The following SUCLG2 variants were observed in gnomAD, a reference collection of about 807,000 sequenced individuals.
The protein encoded by SUCLG2 is succinate-CoA ligase GDP-forming subunit beta.
A neutral mutation model predicts 47.9 loss-of-function variants in SUCLG2; 42 were observed. The observed-to-expected ratio is 0.88, with a 90% CI of 0.69 to 1.14. SUCLG2 has a LOEUF of 1.14. Among genes scored for constraint, SUCLG2 ranks in the 50% most tolerant of loss-of-function variants. SUCLG2 has a pLI of 0.00. For synonymous variants in SUCLG2, 195 were observed against 197.3 expected (o/e 0.99, Z 0.10); for missense variants, 571 against 525.9 (o/e 1.09, Z -0.84).
chr3:67,420,475 G>A (rs1385335433), intron 9 of SUCLG2, among the ~76,000 whole-genome samples: 1 of 152,196 alleles, frequency 6.6e-6, no homozygotes, highest in Non-Finnish European at 1.5e-5. Context: ...AAAGTAGTAG[G>A]ATGAGTATTA....
intron 9 of SUCLG2, among the ~76,000 whole-genome samples, chr3:67,404,062 T>G (rs896844763): frequency 6.6e-6 from 1 of 152,102 alleles, no homozygotes; most frequent in Non-Finnish European, 1.5e-5. Context: ...GTTTTTGCAG[T>G]ATTAGTAGAG....
chr3:67,530,668 T>C (rs1706379537), intron 2 of SUCLG2, among the ~76,000 whole-genome samples: 1 of 152,226 alleles, frequency 6.6e-6, no homozygotes, highest in Admixed American at 6.5e-5. Flanking sequence ...TCTTGTCTCC[T>C]ATATTTGCTT....
Position 67,432,911 on chromosome 3 carries a change from C to T in SUCLG2, c.1063-32060G>A, listed in dbSNP as rs140760902. ...TAACACCACAGTCAGAATTTTAAAA[C>T]GAAGAGGAACTCCATACTCTTTTAT... On this transcript the variant is annotated intron_variant, in intron 9 of 10. Transcript: ENST00000307227. Among the ~76,000 whole-genome samples, 448 of 152,290 alleles carry T rather than the reference C, an allele frequency of 2.9e-3. 2 individuals carry two copies. The highest frequency in any genetic ancestry group is 5.4e-3 in the Non-Finnish European group (364 of 68,028).
intron 9 of SUCLG2, chr3:67,408,859 T>G (rs1702873175): frequency 1.4e-6 from 2 of 1,430,512 alleles, no homozygotes; most frequent in Admixed American, 5.9e-5. Flanking sequence ...ATTAAGGCGG[T>G]CTTACTGTAA....
At chr3:67,419,197 C>A (rs1356446627) in intron 9 of SUCLG2, among the ~76,000 whole-genome samples, 2 of 152,100 alleles carry the variant, frequency 1.3e-5, no homozygotes, top group African/African-American at 2.4e-5. Flanking sequence ...CTGTTGATGG[C>A]CTGTTGAGAG....
intron 1 of SUCLG2, among the ~76,000 whole-genome samples, chr3:67,631,543 T>A (rs1252267034): frequency 6.6e-6 from 1 of 151,988 alleles, no homozygotes; most frequent in Non-Finnish European, 1.5e-5. Context: ...ATAGGAATCG[T>A]TTGAACCTGG....
In SUCLG2 at chr3:67,512,910, C is replaced by T. The variant is rs554353769; in HGVS notation, c.661-4007G>A. Among the ~76,000 whole-genome samples the T allele has an allele frequency of 3.4e-4, 51 of 150,640 alleles. 6 individuals carry two copies. The highest frequency in any genetic ancestry group is 1.2e-3 in the African/African-American group (50 of 40,162). ...ATATATATATATTTTCACACACACA[C>T]ACCCCCCTCTATATATACGCACATA... is the stretch of plus-strand genomic sequence containing the variant. On this transcript the variant is annotated intron_variant, in intron 6 of 10. Transcript: ENST00000307227.
intron 1 of SUCLG2, among the ~76,000 whole-genome samples, chr3:67,633,522 A>G (rs536184579): frequency 3.9e-5 from 6 of 152,336 alleles, no homozygotes; most frequent in African/African-American, 1.4e-4. Flanking sequence ...CCTATAAAAT[A>G]ATGTAACAGG....
At chr3:67,438,489 C>T (rs747616014) in intron 9 of SUCLG2, among the ~76,000 whole-genome samples, 5 of 151,550 alleles carry the variant, frequency 3.3e-5, no homozygotes, top group African/African-American at 9.7e-5. Context: ...ATAGACAGAC[C>T]GCTGGCCAGA....
intron 10 of SUCLG2, among the ~76,000 whole-genome samples, chr3:67,399,783 G>C (rs1231582586): frequency 6.6e-6 from 1 of 152,180 alleles, no homozygotes; most frequent in Non-Finnish European, 1.5e-5. Context: ...AGTTCATCGA[G>C]ATAGTTCCAG....
At chr3:67,647,818 C>T (rs1243963080) in intron 1 of SUCLG2, among the ~76,000 whole-genome samples, 30 of 152,176 alleles carry the variant, frequency 2.0e-4, no homozygotes, top group Admixed American at 2.0e-3. Flanking sequence ...CCCTCTGAGC[C>T]TCAGATTCCC....
chr3:67,413,680 G>C (rs1011469488), intron 9 of SUCLG2, among the ~76,000 whole-genome samples: 2 of 152,182 alleles, frequency 1.3e-5, no homozygotes, highest in African/African-American at 4.8e-5. Flanking sequence ...GGAAACTAAA[G>C]CTCTCAAATT....
At chr3:67,599,053 T>C (rs996647269) in intron 2 of SUCLG2, among the ~76,000 whole-genome samples, 1 of 152,190 alleles carries the variant, frequency 6.6e-6, no homozygotes, top group Non-Finnish European at 1.5e-5. Context: ...TTGGAAACTT[T>C]AGGGTATACA....
intron 1 of SUCLG2, among the ~76,000 whole-genome samples, chr3:67,630,620 C>T (rs1469391750): frequency 2.0e-5 from 3 of 152,170 alleles, no homozygotes; most frequent in Non-Finnish European, 2.9e-5. Context: ...CACTCCTAGT[C>T]GCAAGGATTA....
In SUCLG2 at chr3:67,375,798, G is replaced by A. The variant is rs1702023993; in HGVS notation, c.1245C>T (p.Ala415=). Residue 415 remains alanine (A), a synonymous_variant, in exon 11 of 11, where the codon GCC becomes GCT. Transcript: ENST00000307227. ...LNNSGLPITS[A]IDLEDAAKKA... ...TCTTGGCTGCATCCTCCAGGTCAAT[G>A]GCTGAAGTAATGGGGAGTCCGCTGT... 6.2e-7 allele frequency: 1 copy of A among 1,613,974 alleles called. No homozygotes were observed. The highest frequency in any genetic ancestry group is 8.5e-7 in the Non-Finnish European group (1 of 1,179,940).
chr3:67,462,656 C>G (rs1214030096), intron 9 of SUCLG2, among the ~76,000 whole-genome samples: 2 of 152,182 alleles, frequency 1.3e-5, no homozygotes, highest in African/African-American at 4.8e-5. Context: ...AACCAGTAAG[C>G]ATAAGTTAGT....
intron 10 of SUCLG2, among the ~76,000 whole-genome samples, chr3:67,393,141 T>G (rs1702431308): frequency 2.0e-5 from 3 of 152,206 alleles, no homozygotes; most frequent in African/African-American, 7.2e-5. Flanking sequence ...ACCGGGTTCA[T>G]CTCACTAGGG....
chr3:67,375,668 A>T lies in SUCLG2; in HGVS notation c.*76T>A. The T allele has an allele frequency of 6.7e-7, 1 of 1,499,088 alleles. No individual in the cohort carries two copies. Among genetic ancestry groups the T allele is most frequent in the Non-Finnish European group, 8.9e-7 (1 of 1,121,590 alleles). The allele number at this position is 1,499,088 out of a possible 1,614,324, so 92.9% of individuals were successfully genotyped here. A position where few individuals can be genotyped will look rare whatever the true frequency, so the allele number is the denominator to read the frequency against. ...CCTTTTCTTCCCCAATGAGATAACC[A>T]TTTCTTTCACAATGATGAACCATCC... On this transcript the variant is annotated 3_prime_UTR_variant, in exon 11 of 11. Transcript: ENST00000307227.
At chr3:67,439,616 A>C (rs1703709213) in intron 9 of SUCLG2, among the ~76,000 whole-genome samples, 1 of 152,184 alleles carries the variant, frequency 6.6e-6, no homozygotes, top group South Asian at 2.1e-4. Flanking sequence ...ATCATGAGTG[A>C]ACTCCCATTC....
Sources: gnomAD v4.1 joint callset for allele counts (sites outside exome capture counted in the v4.1 genomes callset) on GRCh38, gnomAD v4.1.1 for gene constraint, MANE v1.5 for transcripts, NCBI Gene and HGNC (gene_info 2026-07-23, HGNC 2026-07-21) for gene names.